The following CNST variants were observed in gnomAD, a reference collection of about 807,000 sequenced individuals.
The protein encoded by CNST is consortin.
Under a neutral mutation model 72.4 loss-of-function variants are expected in CNST, and 39 were observed. That is an observed-to-expected ratio of 0.54 (90% CI 0.42 to 0.70). CNST has a LOEUF of 0.70. Ranked by LOEUF, CNST falls within the 30% of genes least tolerant of loss-of-function variation. The probability of loss-of-function intolerance (pLI) is 0.00; values close to 1 mark genes in which losing one functional copy is unlikely to be tolerated. For synonymous variants in CNST, 332 were observed against 320.1 expected, an observed-to-expected ratio of 1.04 and a Z score of -0.40; for missense variants, 871 against 868.5, an observed-to-expected ratio of 1.00 and a Z score of -0.04.
intron 2 of CNST, among the ~76,000 whole-genome samples, chr1:246,603,915 T>C (rs915157214): frequency 6.6e-6 from 1 of 152,158 alleles, no homozygotes; most frequent in Non-Finnish European, 1.5e-5. Flanking sequence ...GAGAATTATA[T>C]CTCAGTAAAG....
chr1:246,611,465 T>C lies in CNST; in HGVS notation c.380-9964T>C, dbSNP rs1227605122. On this transcript the variant is annotated intron_variant, in intron 2 of 10. Coordinates refer to ENST00000366513, the MANE Select transcript of CNST (RefSeq NM_152609.3). ...GTAGCAAGAACTGTGCCCAGAGGGA[T>C]GGAATTAGATCGAACTGCTCTGAAA... 2.0e-5 allele frequency among the ~76,000 whole-genome samples: 3 copies of C among 152,338 alleles called. No homozygotes were observed. In the East Asian group the frequency reaches 5.8e-4, roughly 29 times the overall value.
intron 9 of CNST, among the ~76,000 whole-genome samples, chr1:246,654,350 A>G (rs1296750897): frequency 1.3e-5 from 2 of 152,190 alleles, no homozygotes; most frequent in African/African-American, 4.8e-5. Context: ...CATCTAGGTC[A>G]TGGCTTTTTA....
At chr1:246,626,143 G>A (rs944326246) in intron 3 of CNST, among the ~76,000 whole-genome samples, 2 of 151,776 alleles carry the variant, frequency 1.3e-5, no homozygotes, top group African/African-American at 2.4e-5. Flanking sequence ...TCCACCTCAC[G>A]GGTTCAAGTA....
In CNST at chr1:246,647,441, A is replaced by T; in HGVS notation, c.1240A>T (p.Ile414Leu). ...AGAGGCCTGCCAGGATGTGGCCAGA[A>T]TAGAGGGCATTGCTGAAGACCCTAA... ...QTEACQDVARIEGIAEDPKVF... is the reference protein window; with the variant it reads ...QTEACQDVARLEGIAEDPKVF... Residue 414 changes from isoleucine (I) to leucine (L), a missense_variant, in exon 9 of 11, where the codon ATA becomes TTA. Transcript: ENST00000366513. The T allele has an allele frequency of 6.2e-7, 1 of 1,614,218 alleles. No homozygotes were observed. Among genetic ancestry groups the T allele is most frequent in the Admixed American group, 1.7e-5 (1 of 60,026 alleles).
intron 3 of CNST, among the ~76,000 whole-genome samples, chr1:246,627,827 G>A (rs1664534720): frequency 6.7e-6 from 1 of 150,226 alleles, no homozygotes; most frequent in Admixed American, 6.6e-5. Context: ...TTGGAAGGAA[G>A]AATAACTAGG....
intron 10 of CNST, among the ~76,000 whole-genome samples, chr1:246,660,716 C>G (rs1008628784): frequency 1.3e-5 from 2 of 152,096 alleles, no homozygotes; most frequent in Non-Finnish European, 2.9e-5. Context: ...GAGCGAGGCT[C>G]CATCTCAAAA....
chr1:246,584,567 A>G (rs1024793436), intron 1 of CNST, among the ~76,000 whole-genome samples: 7 of 152,170 alleles, frequency 4.6e-5, no homozygotes, highest in African/African-American at 1.7e-4. Context: ...ATTAAGGTAC[A>G]GGATTCTTTT....
Position 246,647,575 on chromosome 1 carries a change from A to G in CNST, c.1374A>G (p.Lys458=), listed in dbSNP as rs1666179714. The G allele has an allele frequency of 3.1e-6, 5 of 1,614,216 alleles. No individual in the cohort carries two copies. The highest frequency in any genetic ancestry group is 4.2e-6 in the Non-Finnish European group (5 of 1,180,036). Residue 458 remains lysine (K), a synonymous_variant, in exon 9 of 11, where the codon AAA becomes AAG. Transcript: ENST00000366513. ...GTAAATATTCACAGGCTCAGAGGAA[A>G]GAACTCCGTTTGCCACTTCGGGATG... ...SEGKYSQAQR[K]ELRLPLRDAS...
Position 246,666,901 on chromosome 1 carries a change from A to C in CNST, c.*996A>C, listed in dbSNP as rs1356183141. 1 of 152,208 alleles carries C rather than the reference A, an allele frequency of 6.6e-6. No individual in the cohort carries two copies. Among genetic ancestry groups the C allele is most frequent in the Non-Finnish European group, 1.5e-5 (1 of 68,032 alleles). 9.4% of individuals were successfully genotyped at this position (152,208 alleles called of 1,614,324 possible). A position where few individuals can be genotyped will look rare whatever the true frequency, so the allele number is the denominator to read the frequency against. On this transcript the variant is annotated 3_prime_UTR_variant, in exon 11 of 11. Coordinates refer to ENST00000366513, the MANE Select transcript of CNST (RefSeq NM_152609.3). ...TTTGCTGAGTGAAATCACCATATAG[A>C]ATTCAGTATTAACAGATCATGCATT...
chr1:246,602,690 C>T (rs1662371983), intron 2 of CNST, among the ~76,000 whole-genome samples: 1 of 152,086 alleles, frequency 6.6e-6, no homozygotes, highest in African/African-American at 2.4e-5. Context: ...GCACAAATAC[C>T]AAGAGGCAGG....
intron 2 of CNST, chr1:246,605,727 TAGGTGTCTTCC>T (rs1662711236): frequency 9.1e-6 from 1 of 109,686 alleles, no homozygotes; most frequent in African/African-American, 3.2e-5. Flanking sequence ...CCGGCCGGGG[TAGGTGTCTTCC>T]GGCCGGGGTG....
At chr1:246,602,457 C>G (rs1275896752) in intron 2 of CNST, among the ~76,000 whole-genome samples, 1 of 152,186 alleles carries the variant, frequency 6.6e-6, no homozygotes, top group African/African-American at 2.4e-5. Context: ...TCTTGGCAGG[C>G]TTCAGACCCT....
intron 2 of CNST, among the ~76,000 whole-genome samples, chr1:246,615,496 A>G (rs1023731840): frequency 3.3e-5 from 5 of 151,764 alleles, no homozygotes; most frequent in Admixed American, 6.6e-5. Context: ...TTAAAAAGAA[A>G]TAATACCTCT....
At chr1:246,567,187 T>G (rs1314835999) in intron 1 of CNST, among the ~76,000 whole-genome samples, 1 of 152,240 alleles carries the variant, frequency 6.6e-6, no homozygotes, top group Non-Finnish European at 1.5e-5. Flanking sequence ...AAAATGAAGA[T>G]GTAAAAGCTT....
intron 9 of CNST, among the ~76,000 whole-genome samples, chr1:246,659,612 C>G (rs1184536390): frequency 1.3e-5 from 2 of 151,890 alleles, no homozygotes; most frequent in East Asian, 1.9e-4. Context: ...AAAAAAATGT[C>G]CCTAGTAAAC....
At chr1:246,574,527 G>A (rs1244025304) in intron 1 of CNST, among the ~76,000 whole-genome samples, 2 of 152,098 alleles carry the variant, frequency 1.3e-5, no homozygotes, top group African/African-American at 2.4e-5. Flanking sequence ...CTGGACTCAA[G>A]CAATCCTCCC....
At chr1:246,632,964 A>G (rs1664871140) in intron 4 of CNST, among the ~76,000 whole-genome samples, 1 of 152,216 alleles carries the variant, frequency 6.6e-6, no homozygotes, top group Non-Finnish European at 1.5e-5. Flanking sequence ...GTAAGGAGAG[A>G]AATAAAAAAG....
chr1:246,602,967 AAAG>A (rs1662410362), intron 2 of CNST, among the ~76,000 whole-genome samples: 1 of 152,150 alleles, frequency 6.6e-6, no homozygotes, highest in Non-Finnish European at 1.5e-5. Context: ...GTGAAAAAGA[AAAG>A]AATTACAATC....
At chr1:246,664,725 CT>C in intron 10 of CNST, among the ~76,000 whole-genome samples, 1 of 152,286 alleles carries the variant, frequency 6.6e-6, no homozygotes, top group East Asian at 1.9e-4. Flanking sequence ...CACACCCAGC[CT>C]TAACACTGTC....
Sources: allele counts gnomAD v4.1 joint callset (sites outside exome capture counted in the v4.1 genomes callset), GRCh38; gene constraint gnomAD v4.1.1; transcripts MANE v1.5; gene names NCBI Gene and HGNC (gene_info 2026-07-23, HGNC 2026-07-21).